The following COG6 variants were observed in gnomAD, a reference collection of about 807,000 sequenced individuals.
COG6 encodes conserved oligomeric Golgi complex subunit 6.
Under a neutral mutation model 88.8 loss-of-function variants are expected in COG6, and 74 were observed. The observed-to-expected ratio is 0.83, with a 90% CI of 0.69 to 1.01. The LOEUF (loss-of-function observed/expected upper bound fraction) is 1.01. Among genes scored for constraint, COG6 ranks in the 50% least tolerant of loss-of-function variants. COG6 has a pLI of 0.00. For synonymous variants in COG6, 286 were observed against 278.7 expected (o/e 1.03, Z -0.26); for missense variants, 800 against 797.9 (o/e 1.00, Z -0.03).
intron 14 of COG6, 141 bp from the exon 15 acceptor site, chr13:39,719,519 A>T (rs977810673): frequency 8.5e-7 from 1 of 1,170,072 alleles, no homozygotes; most frequent in African/African-American, 1.5e-5. Flanking sequence ...ATAACTTAAA[A>T]AGCATTGATT....
At chr13:39,776,781 G>A (rs1881477472) in intron 18 of COG6, among the ~76,000 whole-genome samples, 1 of 151,866 alleles carries the variant, frequency 6.6e-6, no homozygotes, top group Non-Finnish European at 1.5e-5. Flanking sequence ...CTTTTGTAGT[G>A]GGGACTATCT....
intron 18 of COG6, among the ~76,000 whole-genome samples, chr13:39,742,801 ATTC>A (rs1880121958): frequency 6.6e-6 from 1 of 152,212 alleles, no homozygotes; most frequent in Non-Finnish European, 1.5e-5. Flanking sequence ...CAGAATATAC[ATTC>A]TTCTCAGCAC....
chr13:39,734,392 T>C (rs1879622042), intron 18 of COG6, among the ~76,000 whole-genome samples: 1 of 152,194 alleles, frequency 6.6e-6, no homozygotes, highest in African/African-American at 2.4e-5. Flanking sequence ...TAAATTTCCA[T>C]GTGTTTGTAT....
At chr13:39,666,465 C>T (rs1432244486) in intron 4 of COG6, among the ~76,000 whole-genome samples, 1 of 152,094 alleles carries the variant, frequency 6.6e-6, no homozygotes, top group East Asian at 1.9e-4. Flanking sequence ...CTTTCAGTTT[C>T]AGTAATGGTT....
intron 4 of COG6, among the ~76,000 whole-genome samples, chr13:39,672,792 C>T (rs1875730826): frequency 6.6e-6 from 1 of 151,998 alleles, no homozygotes; most frequent in Non-Finnish European, 1.5e-5. Context: ...TATATGATAA[C>T]TCTTTAAGTG....
chr13:39,718,216 T>C (rs1445325474), intron 13 of COG6, among the ~76,000 whole-genome samples: 1 of 151,956 alleles, frequency 6.6e-6, no homozygotes, highest in East Asian at 1.9e-4. Context: ...AAGGAGAGAG[T>C]ATTTTTGGAC....
chr13:39,738,469 A>G (rs1475346517), intron 18 of COG6, among the ~76,000 whole-genome samples: 2 of 152,204 alleles, frequency 1.3e-5, no homozygotes, highest in African/African-American at 4.8e-5. Context: ...TAATTGTATC[A>G]AAAGAAGGTG....
chr13:39,699,420 C>G, intron 12 of COG6, 81 bp from the exon 13 acceptor site: 1 of 696,754 alleles, frequency 1.4e-6, no homozygotes, highest in South Asian at 1.7e-5. Context: ...AAATCTAGAT[C>G]CTTTTAAAGC....
rs751207735 is a variant in COG6, at chr13:39,724,564, A to G, written c.1746+3A>G. On this transcript the variant is annotated splice_donor_region_variant and intron_variant, in intron 17 of 18. Transcript: ENST00000455146. ...CTGTGACACTGAAGGCTGCAATGGT[A>G]AGTGTATAATAAAACATTTTAATTT... 1.3e-6 allele frequency: 2 copies of G among 1,587,634 alleles called. No individual in the cohort carries two copies. The highest frequency in any genetic ancestry group is 1.7e-6 in the Non-Finnish European group (2 of 1,156,970).
chr13:39,712,494 T>G (rs1181592780), intron 13 of COG6, among the ~76,000 whole-genome samples: 1 of 152,176 alleles, frequency 6.6e-6, no homozygotes, highest in Non-Finnish European at 1.5e-5. Context: ...GGAACATAAA[T>G]TGAATGTAAG....
chr13:39,667,884 G>A, intron 4 of COG6, among the ~76,000 whole-genome samples: 1 of 152,102 alleles, frequency 6.6e-6, no homozygotes, highest in East Asian at 1.9e-4. Context: ...TTTAAAAAAG[G>A]CTAAATTTTA....
chr13:39,743,997 A>G (rs1398957564), intron 18 of COG6, among the ~76,000 whole-genome samples: 1 of 152,186 alleles, frequency 6.6e-6, no homozygotes, highest in Non-Finnish European at 1.5e-5. Context: ...AACCAGTGAC[A>G]AAAACCACAT....
At chr13:39,758,018 G>A (rs866251020) in intron 18 of COG6, among the ~76,000 whole-genome samples, 3 of 151,572 alleles carry the variant, frequency 2.0e-5, no homozygotes, top group African/African-American at 7.3e-5. Flanking sequence ...TCAAGAGATC[G>A]AGACCATCCT....
At chr13:39,777,382 A>G (rs1022499970) in intron 18 of COG6, among the ~76,000 whole-genome samples, 1 of 152,148 alleles carries the variant, frequency 6.6e-6, no homozygotes, top group Admixed American at 6.5e-5. Flanking sequence ...TGTAAGAATA[A>G]GAGTTAACTA....
At chr13:39,763,847 C>G (rs1881091805) in intron 18 of COG6, among the ~76,000 whole-genome samples, 2 of 151,752 alleles carry the variant, frequency 1.3e-5, no homozygotes, top group Non-Finnish European at 1.5e-5. Flanking sequence ...CATCTTTGTT[C>G]ATGAGAAAGA....
chr13:39,770,585 C>G (rs757366753), intron 18 of COG6, among the ~76,000 whole-genome samples: 1 of 152,104 alleles, frequency 6.6e-6, no homozygotes, highest in African/African-American at 2.4e-5. Flanking sequence ...CTCCATAGTA[C>G]GTGTTTATCG....
At chr13:39,691,750 T>A (rs556451696) in intron 11 of COG6, among the ~76,000 whole-genome samples, 1 of 152,036 alleles carries the variant, frequency 6.6e-6, no homozygotes, top group African/African-American at 2.4e-5. Flanking sequence ...AGGAAAAAAA[T>A]TTCGACTTTA....
chr13:39,710,302 G>A (rs1274364334), intron 13 of COG6, among the ~76,000 whole-genome samples: 1 of 151,988 alleles, frequency 6.6e-6, no homozygotes, highest in African/African-American at 2.4e-5. Flanking sequence ...TGTATTTCTA[G>A]TATAGAGTTG....
intron 16 of COG6, among the ~76,000 whole-genome samples, chr13:39,723,914 C>A (rs1194568915): frequency 6.6e-6 from 1 of 151,980 alleles, no homozygotes. Flanking sequence ...AAGGTAGTCA[C>A]TTCTGGGGCC....
Sources: gnomAD v4.1 joint callset for allele counts (sites outside exome capture counted in the v4.1 genomes callset) on GRCh38, gnomAD v4.1.1 for gene constraint, MANE v1.5 for transcripts, NCBI Gene and HGNC (gene_info 2026-07-23, HGNC 2026-07-21) for gene names.